The following MDGA2 variants were observed in gnomAD, a reference collection of about 807,000 sequenced individuals.
MDGA2 encodes the protein MAM domain containing glycosylphosphatidylinositol anchor 2.
Under a neutral mutation model 117.8 loss-of-function variants are expected in MDGA2, and 40 were observed. The observed-to-expected ratio is 0.34, with a 90% CI of 0.26 to 0.44. The LOEUF is 0.44. Among genes scored for constraint, MDGA2 ranks in the 20% least tolerant of loss-of-function variants. The pLI, the probability that MDGA2 is intolerant of heterozygous loss-of-function variation, is 1.00. For synonymous variants in MDGA2, 452 were observed against 439.0 expected, an observed-to-expected ratio of 1.03 and a Z score of -0.37; for missense variants, 1,123 against 1,250.6, an observed-to-expected ratio of 0.90 and a Z score of 1.54.
In MDGA2 at chr14:47,117,614, C is replaced by A. The variant is rs574877056; in HGVS notation, c.925+14100G>T. On this transcript the variant is annotated intron_variant, in intron 5 of 16. Transcript: ENST00000399232. Reference sequence around the variant, plus strand: ...TGCAATATGTGACAAAATAGATGAGCCTTCAGAACATTATGCTAAGTGAAA... The same window carrying A: ...TGCAATATGTGACAAAATAGATGAGACTTCAGAACATTATGCTAAGTGAAA... Among the ~76,000 whole-genome samples the A allele has an allele frequency of 1.2e-4, 19 of 152,130 alleles. 1 individual carries two copies. Among genetic ancestry groups the A allele is most frequent in the African/African-American group, 4.3e-4 (18 of 41,516 alleles).
chr14:47,335,177 C>T (rs1010680844), intron 1 of MDGA2, among the ~76,000 whole-genome samples: 24 of 150,158 alleles, frequency 1.6e-4, no homozygotes, highest in African/African-American at 5.6e-4. Flanking sequence ...AAAATTCTTG[C>T]CTTTGTAATT....
At position 47,170,934 on chromosome 14, in the gene MDGA2, C is replaced by T. The variant is rs191198947; in HGVS notation, c.596-26660G>A. Among the ~76,000 whole-genome samples the T allele has an allele frequency of 4.9e-4, 74 of 152,140 alleles. 1 individual carries two copies. In the East Asian group the frequency reaches 0.011, roughly 22 times the overall value. ...TAATTGACATAAACTTTAAATGTTT[C>T]GCTTTGTGGTTTATAGAGCATCTTC... On this transcript the variant is annotated intron_variant, in intron 3 of 16. Transcript: ENST00000399232.
chr14:47,251,464 T>C (rs556818711), intron 2 of MDGA2, among the ~76,000 whole-genome samples: 63 of 145,902 alleles, frequency 4.3e-4, no homozygotes, highest in African/African-American at 1.5e-3. Context: ...TTATTATATT[T>C]AGTACATAAT....
chr14:47,236,902 G>C (rs1886883540), intron 2 of MDGA2, among the ~76,000 whole-genome samples: 2 of 152,130 alleles, frequency 1.3e-5, no homozygotes, highest in Non-Finnish European at 2.9e-5. Flanking sequence ...CAAGCTGTTA[G>C]AAACCTTGTA....
At chr14:47,444,167 C>A in intron 1 of MDGA2, 1 of 221,224 alleles carries the variant, frequency 4.5e-6, no homozygotes, top group South Asian at 7.7e-5. Context: ...CTTTGTGGTC[C>A]ATGATGCCAG....
intron 3 of MDGA2, among the ~76,000 whole-genome samples, chr14:47,145,323 CA>C (rs1010231271): frequency 6.6e-6 from 1 of 152,012 alleles, no homozygotes; most frequent in African/African-American, 2.4e-5. Context: ...GTGAAAGCAG[CA>C]AAACACAATA....
At chr14:47,284,865 C>A (rs958604395) in intron 2 of MDGA2, among the ~76,000 whole-genome samples, 1 of 152,068 alleles carries the variant, frequency 6.6e-6, no homozygotes, top group South Asian at 2.1e-4. Flanking sequence ...CAGCTACTGA[C>A]TTAGCTTATC....
intron 11 of MDGA2, among the ~76,000 whole-genome samples, chr14:46,879,786 A>G (rs969317024): frequency 6.6e-6 from 1 of 152,126 alleles, no homozygotes; most frequent in Non-Finnish European, 1.5e-5. Context: ...GAATATCTTC[A>G]TCTTTTAAAG....
chr14:47,217,686 T>C (rs999238851), intron 3 of MDGA2, among the ~76,000 whole-genome samples: 3 of 152,006 alleles, frequency 2.0e-5, no homozygotes, highest in Non-Finnish European at 4.4e-5. Context: ...CCTATTTTAA[T>C]AAAAATATAA....
At chr14:47,517,077 A>G (rs1251180935) in intron 1 of MDGA2, among the ~76,000 whole-genome samples, 2 of 152,188 alleles carry the variant, frequency 1.3e-5, no homozygotes, top group East Asian at 1.9e-4. Context: ...TAGTTTATAT[A>G]TGTCAATAAA....
chr14:47,315,483 A>G (rs564295345), intron 1 of MDGA2, among the ~76,000 whole-genome samples: 1 of 152,272 alleles, frequency 6.6e-6, no homozygotes, highest in African/African-American at 2.4e-5. Flanking sequence ...ATCACGTGGT[A>G]TAAATCTTGG....
At chr14:46,952,925 C>A (rs979860226) in intron 9 of MDGA2, among the ~76,000 whole-genome samples, 3 of 151,834 alleles carry the variant, frequency 2.0e-5, no homozygotes, top group African/African-American at 7.2e-5. Context: ...AGGCAATGAA[C>A]AGAATCAACC....
intron 1 of MDGA2, among the ~76,000 whole-genome samples, chr14:47,661,210 T>C (rs912623793): frequency 5.3e-5 from 8 of 152,230 alleles, no homozygotes; most frequent in African/African-American, 1.9e-4. Context: ...TACAAGTATT[T>C]ACTTTTACAT....
chr14:47,595,271 A>G (rs78893213), intron 1 of MDGA2, among the ~76,000 whole-genome samples: 11,367 of 152,108 alleles, frequency 0.075, 500 homozygotes, highest in Middle Eastern at 0.1. Context: ...ATACTTTAAG[A>G]AATTAGTAAT....
chr14:47,361,183 T>C (rs993860698), intron 1 of MDGA2, among the ~76,000 whole-genome samples: 12 of 136,438 alleles, frequency 8.8e-5, no homozygotes, highest in Non-Finnish European at 1.6e-4. Flanking sequence ...AATGTCATGT[T>C]GTACTCTCTC....
At chr14:47,366,863 T>C (rs1363652114) in intron 1 of MDGA2, among the ~76,000 whole-genome samples, 3 of 106,018 alleles carry the variant, frequency 2.8e-5, no homozygotes, top group Admixed American at 9.0e-5. Flanking sequence ...TTTGATACTA[T>C]GTTTTACTAA....
Position 47,133,545 on chromosome 14 carries a change from T to A in MDGA2, c.793-1699A>T, listed in dbSNP as rs769438077. On this transcript the variant is annotated intron_variant, in intron 4 of 16. Transcript: ENST00000399232. ...CATTAGGTGGCATTATCCTTGCTGA[T>A]GAATTTCTACTACAAGCTCTATTTT... Among the ~76,000 whole-genome samples the A allele has an allele frequency of 6.0e-4, 91 of 152,072 alleles. 1 individual carries two copies. Among genetic ancestry groups the A allele is most frequent in the Non-Finnish European group, 1.0e-3 (69 of 67,854 alleles).
intron 1 of MDGA2, among the ~76,000 whole-genome samples, chr14:47,352,871 C>T (rs1890914874): frequency 6.6e-6 from 1 of 152,034 alleles, no homozygotes; most frequent in Non-Finnish European, 1.5e-5. Context: ...TGTGATACCT[C>T]GGTTCTTTTC....
At chr14:47,601,104 T>G (rs1379193493) in intron 1 of MDGA2, among the ~76,000 whole-genome samples, 1 of 152,154 alleles carries the variant, frequency 6.6e-6, no homozygotes, top group East Asian at 1.9e-4. Context: ...AGCATCTTAA[T>G]TTAACAAATA....
Sources: allele counts gnomAD v4.1 joint callset (sites outside exome capture counted in the v4.1 genomes callset), GRCh38; gene constraint gnomAD v4.1.1; transcripts MANE v1.5; gene names NCBI Gene and HGNC (gene_info 2026-07-23, HGNC 2026-07-21).